Variants in SPTLC1 observed in about 807,000 individuals in gnomAD.
The protein encoded by SPTLC1 is serine palmitoyltransferase 1.
In SPTLC1, 55 loss-of-function variants were observed where a neutral mutation model predicts 68.9. The observed-to-expected ratio is 0.80, with a 90% CI of 0.64 to 1.00. The LOEUF (loss-of-function observed/expected upper bound fraction) is 1.00. Ranked by LOEUF, SPTLC1 falls within the 50% of genes least tolerant of loss-of-function variation. SPTLC1 has a pLI of 0.00. For synonymous variants in SPTLC1, 197 were observed against 201.6 expected (o/e 0.98, Z 0.19); for missense variants, 449 against 573.1 (o/e 0.78, Z 2.21).
chr9:92,065,908 G>A (rs1359084329), intron 6 of SPTLC1, among the ~76,000 whole-genome samples: 1 of 152,192 alleles, frequency 6.6e-6, no homozygotes, highest in African/African-American at 2.4e-5. Flanking sequence ...CAGCTCTGTA[G>A]TAATTATGAT....
intron 12 of SPTLC1, among the ~76,000 whole-genome samples, chr9:92,044,517 T>C (rs976851265): frequency 6.6e-6 from 1 of 152,128 alleles, no homozygotes; most frequent in East Asian, 1.9e-4. Context: ...GAGCTGCCAG[T>C]GTAAGTGAAG....
chr9:92,038,217 G>A (rs199757841), intron 13 of SPTLC1, 31 bp downstream of exon 13: 170 of 1,430,776 alleles, frequency 1.2e-4, no homozygotes, highest in Non-Finnish European at 1.6e-4. Flanking sequence ...GAAGTGGTGT[G>A]GGGGGATGCC....
intron 3 of SPTLC1, among the ~76,000 whole-genome samples, chr9:92,082,560 G>A (rs1227688226): frequency 6.6e-6 from 1 of 151,494 alleles, no homozygotes; most frequent in East Asian, 1.9e-4. Flanking sequence ...CCCTACAAAG[G>A]ACATGAACTC....
rs1834136288 is a variant in SPTLC1, at chr9:92,062,335, A to G, written c.561-3027T>C. Among the ~76,000 whole-genome samples the G allele has an allele frequency of 2.0e-5, 3 of 152,194 alleles. No individual in the cohort carries two copies. The South Asian group carries it at 6.2e-4, about 32-fold the overall frequency. On this transcript the variant is annotated intron_variant, in intron 6 of 14. Transcript: ENST00000262554. ...GAAAACTTAGTAATCCTAAATATGAACTAAACAAAAAAGCTAAATTTGAGA... is the reference window on the plus strand; with the variant it reads ...GAAAACTTAGTAATCCTAAATATGAGCTAAACAAAAAAGCTAAATTTGAGA...
In SPTLC1 at chr9:92,062,597, A is replaced by G. The variant is rs188850154; in HGVS notation, c.561-3289T>C. On this transcript the variant is annotated intron_variant, in intron 6 of 14. Transcript: ENST00000262554. Reference sequence around the variant, plus strand: ...TCCAAAATAGACTACCGTATTAGCCATAAACCAAACTACAACAAATTTAAA... The same window carrying G: ...TCCAAAATAGACTACCGTATTAGCCGTAAACCAAACTACAACAAATTTAAA... 2.1e-3 allele frequency among the ~76,000 whole-genome samples: 319 copies of G among 152,342 alleles called. 2 individuals carry two copies. Among genetic ancestry groups the G allele is most frequent in the African/African-American group, 7.1e-3 (294 of 41,586 alleles).
At chr9:92,085,231 C>G (rs1269851259) in intron 3 of SPTLC1, among the ~76,000 whole-genome samples, 1 of 149,610 alleles carries the variant, frequency 6.7e-6, no homozygotes, top group African/African-American at 2.5e-5. Context: ...TTTTTTGTGT[C>G]TCTATTTCCT....
intron 3 of SPTLC1, among the ~76,000 whole-genome samples, chr9:92,088,510 C>A (rs536202401): frequency 6.6e-6 from 1 of 152,286 alleles, no homozygotes; most frequent in South Asian, 2.1e-4. Flanking sequence ...TAAGTCCTCC[C>A]TGATTTCATA....
At chr9:92,104,876 C>A (rs1835899090) in intron 3 of SPTLC1, 6 of 1,532,878 alleles carry the variant, frequency 3.9e-6, no homozygotes. Flanking sequence ...TGACAAGGCC[C>A]AGGTGCATGC....
intron 6 of SPTLC1, among the ~76,000 whole-genome samples, chr9:92,066,445 T>C (rs754255685): frequency 1.3e-5 from 2 of 151,886 alleles, no homozygotes; most frequent in Non-Finnish European, 2.9e-5. Flanking sequence ...GAAGGTTAAG[T>C]AGGAGAAGGG....
intron 12 of SPTLC1, 28 bp from the exon 13 acceptor site, chr9:92,038,393 G>C (rs201152695): frequency 1.4e-6 from 2 of 1,417,500 alleles, no homozygotes; most frequent in East Asian, 2.3e-5. Flanking sequence ...ACACACAGCT[G>C]TAAGTCCCTT....
chr9:92,101,466 G>A (rs1405877219), intron 3 of SPTLC1, among the ~76,000 whole-genome samples: 1 of 149,500 alleles, frequency 6.7e-6, no homozygotes, highest in East Asian at 2.0e-4. Context: ...GGAGGCTGAG[G>A]CAGGAGAATG....
intron 3 of SPTLC1, chr9:92,105,508 G>A (rs560109218): frequency 1.2e-4 from 78 of 665,586 alleles, no homozygotes; most frequent in Non-Finnish European, 1.3e-4. Flanking sequence ...ATTGAGACCT[G>A]AGGAGCATCT....
At chr9:92,109,040 A>G in intron 2 of SPTLC1, 1 of 651,086 alleles carries the variant, frequency 1.5e-6, no homozygotes, top group East Asian at 4.0e-5. Flanking sequence ...TGCCTACCAT[A>G]GAGTTGTACC....
At chr9:92,083,987 C>T (rs1314855932) in intron 3 of SPTLC1, among the ~76,000 whole-genome samples, 1 of 152,132 alleles carries the variant, frequency 6.6e-6, no homozygotes, top group African/African-American at 2.4e-5. Context: ...CTAGGTATTT[C>T]ATTCTCTTTG....
chr9:92,083,015 T>C (rs931939361), intron 3 of SPTLC1, among the ~76,000 whole-genome samples: 7 of 152,130 alleles, frequency 4.6e-5, no homozygotes, highest in African/African-American at 1.7e-4. Context: ...TTTTCATGTG[T>C]TTTTTGGCTG....
intron 8 of SPTLC1, 179 bp downstream of exon 8, chr9:92,055,226 C>T (rs1833845211): frequency 1.0e-6 from 1 of 985,324 alleles, no homozygotes; most frequent in African/African-American, 1.7e-5. Context: ...CTTGATTACT[C>T]TTTGAAGGCC....
At chr9:92,075,612 G>A (rs1047885616) in intron 5 of SPTLC1, among the ~76,000 whole-genome samples, 4 of 152,166 alleles carry the variant, frequency 2.6e-5, no homozygotes, top group Non-Finnish European at 5.9e-5. Context: ...TGGGCTGGCC[G>A]TCATGCCTGC....
chr9:92,036,507 A>C (rs1011458026), intron 13 of SPTLC1, among the ~76,000 whole-genome samples: 1 of 152,226 alleles, frequency 6.6e-6, no homozygotes, highest in African/African-American at 2.4e-5. Context: ...CTCAACATGA[A>C]GCATGTGTGG....
intron 3 of SPTLC1, among the ~76,000 whole-genome samples, chr9:92,101,033 T>G (rs1277838237): frequency 6.6e-6 from 1 of 151,900 alleles, no homozygotes; most frequent in Non-Finnish European, 1.5e-5. Context: ...ACATAGGAGA[T>G]AAAAAGCATG....
Sources: gnomAD v4.1 joint callset for allele counts (sites outside exome capture counted in the v4.1 genomes callset) on GRCh38, gnomAD v4.1.1 for gene constraint, MANE v1.5 for transcripts, NCBI Gene and HGNC (gene_info 2026-07-23, HGNC 2026-07-21) for gene names.